Variants in SLC38A1 observed in about 807,000 individuals in gnomAD.
SLC38A1 encodes solute carrier family 38 member 1, also known as sodium-coupled neutral amino acid symporter 1.
A neutral mutation model predicts 60.3 loss-of-function variants in SLC38A1; 18 were observed. That is an observed-to-expected ratio of 0.30 (90% confidence interval 0.21 to 0.44). The LOEUF (loss-of-function observed/expected upper bound fraction) is 0.44, where lower values mean the gene tolerates loss of function less well. Ranked by LOEUF, SLC38A1 falls within the 20% of genes least tolerant of loss-of-function variation. The probability of loss-of-function intolerance (pLI) is 1.00; values close to 1 mark genes in which losing one functional copy is unlikely to be tolerated. For missense variants in SLC38A1, 448 were observed against 587.2 expected (o/e 0.76, Z 2.45); for synonymous variants, 196 against 212.1 (o/e 0.92, Z 0.66).
intron 16 of SLC38A1, chr12:46,196,369 A>C (rs901326475): frequency 1.5e-5 from 22 of 1,477,066 alleles, no homozygotes; most frequent in Non-Finnish European, 1.9e-5. Context: ...CCTTACACAG[A>C]TGGAACCCTT....
At chr12:46,199,545 A>G (rs1343159511) in intron 13 of SLC38A1, among the ~76,000 whole-genome samples, 1 of 144,720 alleles carries the variant, frequency 6.9e-6, no homozygotes, top group East Asian at 2.0e-4. Flanking sequence ...TTTTGTAGAG[A>G]TGGGGGTCTC....
intron 1 of SLC38A1, among the ~76,000 whole-genome samples, chr12:46,258,412 T>C (rs1322785728): frequency 2.0e-5 from 3 of 152,222 alleles, no homozygotes; most frequent in African/African-American, 4.8e-5. Context: ...TGAGATATCC[T>C]GGGGACGAGA....
In SLC38A1 at chr12:46,188,797, T is replaced by G. The variant is rs911722020; in HGVS notation, c.*173A>C. Reference sequence around the variant, plus strand: ...ATTGATCTCAAATCTTGGAGGGACATGAAGCATTATAGAACCATGTCTCTG... The same window carrying G: ...ATTGATCTCAAATCTTGGAGGGACAGGAAGCATTATAGAACCATGTCTCTG... On this transcript the variant is annotated 3_prime_UTR_variant, in exon 17 of 17. Coordinates refer to ENST00000398637, the MANE Select transcript of SLC38A1 (RefSeq NM_030674.4). 2 of 504,540 alleles carry G rather than the reference T, an allele frequency of 4.0e-6. No individual in the cohort carries two copies. The highest frequency in any genetic ancestry group is 3.8e-5 in the African/African-American group (2 of 52,392). The allele number at this position is 504,540 out of a possible 1,614,324, so 31.3% of individuals were successfully genotyped here.
At chr12:46,256,540 C>T (rs1167662171) in intron 1 of SLC38A1, among the ~76,000 whole-genome samples, 5 of 151,964 alleles carry the variant, frequency 3.3e-5, no homozygotes, top group African/African-American at 9.7e-5. Flanking sequence ...AGTACTGCCA[C>T]GTGGTTGCAA....
intron 5 of SLC38A1, among the ~76,000 whole-genome samples, chr12:46,217,580 C>T (rs1940471588): frequency 6.6e-6 from 1 of 152,104 alleles, no homozygotes; most frequent in South Asian, 2.1e-4. Flanking sequence ...GGGAGAGTTG[C>T]ATTTGTTTAA....
Position 46,201,116 on chromosome 12 carries a change from C to CA in SLC38A1, c.984dup (p.Gly329TrpfsTer7). The CA allele has an allele frequency of 6.2e-7, 1 of 1,611,406 alleles. No homozygotes were observed. Among genetic ancestry groups the CA allele is most frequent in the Non-Finnish European group, 8.5e-7 (1 of 1,178,634 alleles). ...TACTTACCATAGAATGTCAAGTAGC[C>CA]AAAAATGGCAGTCAAGAAGTACATA... is the stretch of plus-strand genomic sequence containing the variant. On this transcript the variant is annotated frameshift_variant, in exon 13 of 17. Transcript: ENST00000398637. LOFTEE classifies it high-confidence loss of function.
chr12:46,240,020 T>A (rs886578603), intron 2 of SLC38A1, 127 bp from the exon 3 acceptor site: 32 of 493,704 alleles, frequency 6.5e-5, no homozygotes, highest in Admixed American at 3.3e-5. Context: ...ACTAGATGCA[T>A]TAAAGCAATC....
At chr12:46,265,193 A>G (rs1194496029) in intron 1 of SLC38A1, among the ~76,000 whole-genome samples, 4 of 152,194 alleles carry the variant, frequency 2.6e-5, no homozygotes, top group Non-Finnish European at 4.4e-5. Context: ...CATCATTCCC[A>G]TTTAGCAAAA....
intron 13 of SLC38A1, among the ~76,000 whole-genome samples, chr12:46,199,082 C>T (rs530915139): frequency 2.4e-4 from 36 of 151,802 alleles, no homozygotes; most frequent in Non-Finnish European, 4.7e-4. Context: ...ACTTTCCCTC[C>T]ACTCTTCAAA....
chr12:46,201,214 TG>T lies in SLC38A1; in HGVS notation c.903-17del, dbSNP rs1201792091. 2.5e-6 allele frequency: 4 copies of T among 1,591,314 alleles called. No individual in the cohort carries two copies. Among genetic ancestry groups the T allele is most frequent in the Non-Finnish European group, 3.4e-6 (4 of 1,163,102 alleles). ...CTGTGATCGGCTAAAAACAAATAAA[TG>T]TTAAAAATTAAAAATCATATGACTG... On this transcript the variant is annotated splice_polypyrimidine_tract_variant and intron_variant, in intron 12 of 16. Transcript: ENST00000398637.
intron 1 of SLC38A1, among the ~76,000 whole-genome samples, chr12:46,253,162 T>C (rs1366636364): frequency 6.6e-6 from 1 of 152,142 alleles, no homozygotes; most frequent in Non-Finnish European, 1.5e-5. Context: ...CTGTAGTTAA[T>C]ACAGTTTGAG....
intron 5 of SLC38A1, among the ~76,000 whole-genome samples, chr12:46,213,161 G>A (rs993058699): frequency 2.0e-5 from 3 of 152,184 alleles, no homozygotes; most frequent in African/African-American, 7.2e-5. Context: ...TCCAAACAGC[G>A]CAAAGCATGA....
chr12:46,209,255 C>G (rs1322979719), intron 5 of SLC38A1, 128 bp from the exon 6 acceptor site: 10 of 562,532 alleles, frequency 1.8e-5, no homozygotes, highest in Non-Finnish European at 3.1e-5. Flanking sequence ...AATTTTGGAA[C>G]CTATTAGTCA....
At chr12:46,192,768 C>T (rs947258037) in intron 16 of SLC38A1, among the ~76,000 whole-genome samples, 17 of 152,154 alleles carry the variant, frequency 1.1e-4, no homozygotes, top group South Asian at 1.0e-3. Context: ...TCTGTGGGAT[C>T]GGTGGTGATA....
intron 5 of SLC38A1, among the ~76,000 whole-genome samples, chr12:46,212,891 A>C (rs1940237043): frequency 1.3e-5 from 2 of 152,192 alleles, no homozygotes; most frequent in African/African-American, 4.8e-5. Flanking sequence ...CACTGTCGCT[A>C]CTTCTATCCT....
chr12:46,215,649 C>T (rs1376173762), intron 5 of SLC38A1, among the ~76,000 whole-genome samples: 1 of 152,144 alleles, frequency 6.6e-6, no homozygotes, highest in Admixed American at 6.5e-5. Flanking sequence ...CTCAGGTGAT[C>T]TGCCCACCTC....
At chr12:46,210,021 T>A (rs531500899) in intron 5 of SLC38A1, among the ~76,000 whole-genome samples, 1 of 152,332 alleles carries the variant, frequency 6.6e-6, no homozygotes, top group Admixed American at 6.5e-5. Context: ...ATAACTGCAA[T>A]TGACTCTATG....
intron 5 of SLC38A1, among the ~76,000 whole-genome samples, chr12:46,211,698 CT>C (rs1940179031): frequency 6.6e-6 from 1 of 152,294 alleles, no homozygotes; most frequent in South Asian, 2.1e-4. Flanking sequence ...CACTTATCTT[CT>C]TCCCCCCACT....
At chr12:46,266,178 T>A (rs1377462701) in intron 1 of SLC38A1, among the ~76,000 whole-genome samples, 1 of 152,190 alleles carries the variant, frequency 6.6e-6, no homozygotes, top group Non-Finnish European at 1.5e-5. Flanking sequence ...CAAGTATTTA[T>A]TAAGCAGGTA....
Sources: gnomAD v4.1 joint callset for allele counts (sites outside exome capture counted in the v4.1 genomes callset) on GRCh38, gnomAD v4.1.1 for gene constraint, MANE v1.5 for transcripts, NCBI Gene and HGNC (gene_info 2026-07-23, HGNC 2026-07-21) for gene names.